Variants in ARMC2 observed in about 807,000 individuals in gnomAD.
ARMC2 encodes armadillo repeat containing 2, also known as armadillo repeat-containing protein 2.
A neutral mutation model predicts 90.3 loss-of-function variants in ARMC2; 67 were observed. The observed-to-expected ratio is 0.74, with a 90% CI of 0.61 to 0.91. The LOEUF is 0.91. ARMC2 is among the 40% of genes least tolerant of loss of function. The pLI, the probability that ARMC2 is intolerant of heterozygous loss-of-function variation, is 0.00. For synonymous variants in ARMC2, 393 were observed against 393.0 expected, an observed-to-expected ratio of 1.00 and a Z score of 0.00; for missense variants, 920 against 1,030.9, an observed-to-expected ratio of 0.89 and a Z score of 1.47.
chr6:108,875,998 C>A, intron 4 of ARMC2, 145 bp from the exon 5 acceptor site: 1 of 723,578 alleles, frequency 1.4e-6, no homozygotes, highest in Non-Finnish European at 2.3e-6. Flanking sequence ...CTCAGAAAGG[C>A]TTTGGCCATA....
At chr6:108,916,865 A>G (rs75542313) in intron 10 of ARMC2, among the ~76,000 whole-genome samples, 2,105 of 152,336 alleles carry the variant, frequency 0.014, 17 homozygotes, top group African/African-American at 0.024. Flanking sequence ...CCTGGAGAAC[A>G]GAAGAGTCTT....
the ARMC2 span, among the ~76,000 whole-genome samples, chr6:109,011,494 A>G: frequency 2.7e-3 from 407 of 152,280 alleles, 13 homozygotes; most frequent in East Asian, 0.062. Flanking sequence ...AAATTCCTCA[A>G]AGAGTACTAA....
At chr6:109,033,099 A>T in the ARMC2 span, among the ~76,000 whole-genome samples, 64 of 152,256 alleles carry the variant, frequency 4.2e-4, no homozygotes, top group Non-Finnish European at 3.4e-4. Context: ...AGGGATTATT[A>T]AAAATGTTGC....
At position 108,960,035 on chromosome 6, in the gene ARMC2, C is replaced by T. The variant is rs140190207; in HGVS notation, c.1916-1537C>T. On this transcript the variant is annotated intron_variant, in intron 13 of 17. Coordinates refer to ENST00000392644, the MANE Select transcript of ARMC2 (RefSeq NM_032131.6). ...CAGGGTTTCACCGTGTTGCCCAGGC[C>T]GGTCTGATTGCCCAACTCTTAGATC... 3.7e-4 allele frequency among the ~76,000 whole-genome samples: 57 copies of T among 152,182 alleles called. 2 individuals carry two copies. In the East Asian group the frequency reaches 9.1e-3, roughly 24 times the overall value.
chr6:109,003,247 C>T, the ARMC2 span, among the ~76,000 whole-genome samples: 1 of 151,338 alleles, frequency 6.6e-6, no homozygotes, highest in Non-Finnish European at 1.5e-5. Context: ...TAAAGATTAA[C>T]CCCTTCACTC....
chr6:108,934,884 C>T (rs1775835231), intron 11 of ARMC2, among the ~76,000 whole-genome samples: 2 of 152,144 alleles, frequency 1.3e-5, no homozygotes, highest in Admixed American at 1.3e-4. Context: ...TTGTATAGCA[C>T]TTACAACATG....
the ARMC2 span, among the ~76,000 whole-genome samples, chr6:109,034,587 G>T: frequency 0.1 from 15,213 of 152,196 alleles, 924 homozygotes; most frequent in Middle Eastern, 0.19. Flanking sequence ...TGGGCACATT[G>T]CCACTGAGAA....
chr6:109,019,946 T>A, the ARMC2 span, among the ~76,000 whole-genome samples: 1 of 152,228 alleles, frequency 6.6e-6, no homozygotes, highest in African/African-American at 2.4e-5. Flanking sequence ...AATTTATACA[T>A]AAGTGGGTTT....
intron 12 of ARMC2, among the ~76,000 whole-genome samples, chr6:108,941,534 TGAACTTGCTGTTTACTATTTGGTTA>T (rs1406090955): frequency 1.3e-5 from 2 of 152,254 alleles, no homozygotes; most frequent in African/African-American, 4.8e-5. Context: ...TATTGGTGTT[TGAACTTGCTGTTTACTATTTGGTTA>T]GATACCAGAC....
the ARMC2 span, among the ~76,000 whole-genome samples, chr6:109,028,465 G>C: frequency 1.3e-5 from 2 of 152,072 alleles, 1 homozygote; most frequent in East Asian, 3.9e-4. Context: ...TGGTACATTT[G>C]CATGTATGTA....
chr6:108,877,876 T>C (rs1348575292), intron 5 of ARMC2, among the ~76,000 whole-genome samples: 1 of 152,236 alleles, frequency 6.6e-6, no homozygotes, highest in African/African-American at 2.4e-5. Flanking sequence ...TAGCACTTCT[T>C]CCTCACTGTC....
chr6:108,857,374 C>G (rs970730987), intron 2 of ARMC2, among the ~76,000 whole-genome samples: 29 of 152,160 alleles, frequency 1.9e-4, no homozygotes, highest in African/African-American at 6.5e-4. Context: ...TTGTATCTTG[C>G]AACCCTACTA....
chr6:108,965,794 A>C (rs955271997), intron 17 of ARMC2, among the ~76,000 whole-genome samples: 1 of 151,452 alleles, frequency 6.6e-6, no homozygotes. Flanking sequence ...ACAGACACGC[A>C]CCACCATGCC....
intron 4 of ARMC2, among the ~76,000 whole-genome samples, chr6:108,872,737 C>T (rs1003544178): frequency 6.6e-6 from 1 of 152,202 alleles, no homozygotes; most frequent in Admixed American, 6.5e-5. Context: ...GATTGCACCA[C>T]CCTCTTGCTG....
intron 4 of ARMC2, among the ~76,000 whole-genome samples, chr6:108,872,399 G>A (rs578015712): frequency 8.6e-5 from 13 of 151,744 alleles, no homozygotes; most frequent in African/African-American, 1.2e-4. Flanking sequence ...CACACTCTCC[G>A]TCACCAAGCC....
the ARMC2 span, among the ~76,000 whole-genome samples, chr6:109,033,201 C>T: frequency 6.6e-6 from 1 of 151,972 alleles, no homozygotes; most frequent in Non-Finnish European, 1.5e-5. Flanking sequence ...TAAAGACACA[C>T]TTTAAGCTAA....
Position 108,854,439 on chromosome 6 carries a change from C to A in ARMC2, c.172C>A (p.Pro58Thr). 2 of 1,613,602 alleles carry A rather than the reference C, an allele frequency of 1.2e-6. No homozygotes were observed. Among genetic ancestry groups the A allele is most frequent in the Non-Finnish European group, 1.7e-6 (2 of 1,179,822 alleles). ...PQEAQRKLFG[P>T]ASSRTSENRP... is the part of the protein sequence containing the mutation. ...GGAGGCTCAAAGAAAACTATTCGGA[C>A]CTGCATCCTCAAGAACATCAGAAAA... Residue 58 changes from proline (P) to threonine (T), a missense_variant, in exon 2 of 18, where the codon CCT (proline) becomes ACT (threonine). Physicochemically the swap from Pro to Thr is conservative, Grantham distance 38 (BLOSUM62 -1). Coordinates refer to ENST00000392644, the MANE Select transcript of ARMC2 (RefSeq NM_032131.6).
Position 108,953,199 on chromosome 6 carries a change from G to A in ARMC2, c.1763G>A (p.Gly588Asp), listed in dbSNP as rs1010414745. Reference protein sequence around the residue: ...LHSQKPVGQRGEQHRAQRPPS... With the variant: ...LHSQKPVGQRDEQHRAQRPPS... The stretch of plus-strand genomic sequence containing the variant: ...TCCCAGAAGCCGGTGGGCCAACGAG[G>A]CGAGCAGCACAGGGCGCAGAGGCCG... Residue 588 changes from glycine to aspartate, a missense_variant, in exon 13 of 18, where the codon GGC (glycine) becomes GAC (aspartate). Transcript: ENST00000392644. The A allele has an allele frequency of 3.7e-6, 6 of 1,614,018 alleles. No individual in the cohort carries two copies. Among genetic ancestry groups the A allele is most frequent in the Non-Finnish European group, 5.1e-6 (6 of 1,179,902 alleles).
At chr6:108,945,068 G>A (rs1301347704) in intron 12 of ARMC2, among the ~76,000 whole-genome samples, 1 of 152,050 alleles carries the variant, frequency 6.6e-6, no homozygotes, top group Non-Finnish European at 1.5e-5. Context: ...AAAAATGCTG[G>A]CCAAAATTCA....
Sources: gnomAD v4.1 joint callset for allele counts (sites outside exome capture counted in the v4.1 genomes callset) on GRCh38, gnomAD v4.1.1 for gene constraint, MANE v1.5 for transcripts, NCBI Gene and HGNC (gene_info 2026-07-23, HGNC 2026-07-21) for gene names.